DAZAP2: variants seen among roughly 807,000 people sequenced by gnomAD.
The protein encoded by DAZAP2 is DAZ associated protein 2, also known as DAZ-associated protein 2.
DAZAP2 carries 3 observed loss-of-function variants against 16.2 expected under a neutral mutation model. The ratio of observed to expected loss-of-function variants is 0.19; its 90% confidence interval spans 0.08 to 0.48. The LOEUF is 0.48. DAZAP2 is among the 20% of genes least tolerant of loss of function. The pLI, the probability that DAZAP2 is intolerant of heterozygous loss-of-function variation, is 0.98. For missense variants in DAZAP2, 172 were observed against 215.9 expected, an observed-to-expected ratio of 0.80 and a Z score of 1.27; for synonymous variants, 69 against 77.6, an observed-to-expected ratio of 0.89 and a Z score of 0.58.
In DAZAP2 at chr12:51,243,215, A is replaced by G; in HGVS notation, c.*757A>G. 3.0e-6 allele frequency: 3 copies of G among 985,870 alleles called. No individual in the cohort carries two copies. 61.1% of individuals were successfully genotyped at this position (985,870 alleles called of 1,614,324 possible). A position where few individuals can be genotyped will look rare whatever the true frequency, so the allele number is the denominator to read the frequency against. ...GTCTCTGCATACACGAACCTAACCCAAATTTGCTTTGGTGCCAGAAAAACT... is the reference window on the plus strand; with the variant it reads ...GTCTCTGCATACACGAACCTAACCCGAATTTGCTTTGGTGCCAGAAAAACT... On this transcript the variant is annotated 3_prime_UTR_variant, in exon 4 of 4. Transcript: ENST00000412716.
Position 51,243,933 on chromosome 12 carries a change from A to G in DAZAP2, c.*1475A>G, listed in dbSNP as rs1944729073. On this transcript the variant is annotated 3_prime_UTR_variant, in exon 4 of 4. Transcript: ENST00000412716. ...AAATAAAGGCAGGAGTACAAGCCTAAGACTTGATCATTTCATGAATTCCAT... is the reference window on the plus strand; with the variant it reads ...AAATAAAGGCAGGAGTACAAGCCTAGGACTTGATCATTTCATGAATTCCAT... The G allele has an allele frequency of 2.0e-6, 2 of 983,768 alleles. No individual in the cohort carries two copies. The highest frequency in any genetic ancestry group is 1.7e-5 in the African/African-American group (1 of 57,214). The allele number at this position is 983,768 out of a possible 1,614,324, so 60.9% of individuals were successfully genotyped here.
At chr12:51,239,118 C>G in intron 1 of DAZAP2, 198 bp downstream of exon 1, 1 of 729,188 alleles carries the variant, frequency 1.4e-6, no homozygotes, top group Non-Finnish European at 2.1e-6. Flanking sequence ...AGGCCCTTTC[C>G]TCCGTAAACT....
intron 3 of DAZAP2, 71 bp from the exon 4 acceptor site, chr12:51,242,259 C>T: frequency 1.3e-6 from 2 of 1,512,610 alleles, no homozygotes; most frequent in Non-Finnish European, 1.8e-6. Flanking sequence ...TAACAGGCCT[C>T]TGCTTCCCCT....
chr12:51,246,016 T>G, downstream of DAZAP2: 1 of 1,613,872 alleles, frequency 6.2e-7, no homozygotes, highest in Non-Finnish European at 8.5e-7. Context: ...TGGGCTCACC[T>G]TCTGTAGGTT....
At chr12:51,243,957 AT>A (rs1365835614), downstream of DAZAP2, 23 of 976,442 alleles carry the variant, frequency 2.4e-5, no homozygotes, top group African/African-American at 3.5e-4. Flanking sequence ...CATGAATTCC[AT>A]TCCAGATGTT....
intron 1 of DAZAP2, 36 bp downstream of exon 1, chr12:51,238,956 G>A: frequency 1.9e-6 from 3 of 1,612,348 alleles, no homozygotes; most frequent in South Asian, 1.1e-5. Context: ...GTCGGGGGGA[G>A]TACTGCTGGC....
At chr12:51,239,118 C>A in intron 1 of DAZAP2, 198 bp downstream of exon 1, 1 of 729,186 alleles carries the variant, frequency 1.4e-6, no homozygotes, top group Non-Finnish European at 2.1e-6. Context: ...AGGCCCTTTC[C>A]TCCGTAAACT....
chr12:51,240,044 C>T (rs1006546367), intron 1 of DAZAP2: 2 of 394,368 alleles, frequency 5.1e-6, no homozygotes, highest in East Asian at 1.1e-4. Context: ...AGGCCAGAAC[C>T]CCAGACCTGT....
rs759838021 is a variant in DAZAP2, at chr12:51,240,344, T to G, written c.15T>G (p.Gly5=). 8.7e-6 allele frequency: 14 copies of G among 1,613,312 alleles called. No homozygotes were observed. Among genetic ancestry groups the G allele is most frequent in the Non-Finnish European group, 1.2e-5 (14 of 1,179,368 alleles). MNSK[G]QYPTQPTYPV... ...CTTCATTTTTTTCTTGTCTTTCAGG[T>G]CAATATCCAACACAGCCAACCTACC... The change falls in exon 2 of 4, where the codon GGT becomes GGG. Residue 5 remains glycine, a splice_region_variant and synonymous_variant. Transcript: ENST00000412716.
chr12:51,240,926 C>T lies in DAZAP2; in HGVS notation c.188C>T (p.Ala63Val). The T allele has an allele frequency of 6.2e-7, 1 of 1,614,222 alleles. No individual in the cohort carries two copies. The highest frequency in any genetic ancestry group is 8.5e-7 in the Non-Finnish European group (1 of 1,180,040). The change falls in exon 3 of 4, where the codon GCC (alanine) becomes GTC (valine). Residue 63 changes from alanine (A) to valine (V), a missense_variant. Transcript: ENST00000412716. ...GCTGCCACAGTCCCCACCATGTCAG[C>T]CGCATTTCCTGGAGCCTCTCTGTAT... The part of the protein sequence containing the change: ...PGAATVPTMS[A>V]AFPGASLYLP...
At chr12:51,246,603 G>GGTGT (rs1555166530), downstream of DAZAP2, 1 of 344,728 alleles carries the variant, frequency 2.9e-6, no homozygotes, top group Non-Finnish European at 4.5e-6. Flanking sequence ...GTCTTTTATG[G>GGTGT]CTGTGTGTGT....
chr12:51,242,336 C>T lies in DAZAP2; in HGVS notation c.385C>T (p.Pro129Ser). 6.3e-7 allele frequency: 1 copy of T among 1,592,248 alleles called. No homozygotes were observed. The highest frequency in any genetic ancestry group is 1.1e-5 in the South Asian group (1 of 88,200). Residue 129 changes from proline to serine, a missense_variant, in exon 4 of 4, where the codon CCT (proline) becomes TCT (serine). Coordinates refer to ENST00000412716, the MANE Select transcript of DAZAP2 (RefSeq NM_014764.4). ...TCATGTCATTTCCTTTCAGCCTCCA[C>T]CTCCTGGATGCCCTCCCAATGCTGC... ...GATAGNIPPP[P>S]PGCPPNAAQL...
chr12:51,246,214 G>A, downstream of DAZAP2: 1 of 1,521,800 alleles, frequency 6.6e-7, no homozygotes, highest in Non-Finnish European at 8.9e-7. Context: ...TTTTCGTAAA[G>A]ATCCTCTTGT....
At position 51,238,940 on chromosome 12, in the gene DAZAP2, G is replaced by A. The variant is rs1329572610; in HGVS notation, c.13+20G>A. ...GCAAAGGCAAGGACCGAGGGTGGCA[G>A]AGGCCGTCGGGGGGAGTACTGCTGG... On this transcript the variant is annotated intron_variant, in intron 1 of 3. Coordinates refer to ENST00000412716, the MANE Select transcript of DAZAP2 (RefSeq NM_014764.4). 1.2e-6 allele frequency: 2 copies of A among 1,613,192 alleles called. No individual in the cohort carries two copies. Among genetic ancestry groups the A allele is most frequent in the Non-Finnish European group, 1.7e-6 (2 of 1,179,834 alleles).
intron 1 of DAZAP2, chr12:51,239,319 G>A (rs760818256): frequency 5.9e-5 from 13 of 220,924 alleles, no homozygotes; most frequent in East Asian, 1.2e-4. Flanking sequence ...GTTGGTTCGT[G>A]GGCCGGGGCC....
chr12:51,240,248 C>G, intron 1 of DAZAP2, 95 bp from the exon 2 acceptor site: 1 of 898,636 alleles, frequency 1.1e-6, no homozygotes, highest in Non-Finnish European at 1.8e-6. Context: ...AAATCCCCTT[C>G]TGCTTGCTCC....
At chr12:51,246,313 T>C (rs532522059), downstream of DAZAP2, 1 of 734,352 alleles carries the variant, frequency 1.4e-6, no homozygotes, top group African/African-American at 1.8e-5. Flanking sequence ...AGTCTCCTGG[T>C]GCTTAAGCTA....
intron 1 of DAZAP2, chr12:51,240,026 ACAG>A: frequency 3.0e-6 from 1 of 334,922 alleles, no homozygotes; most frequent in Non-Finnish European, 5.6e-6. Flanking sequence ...ATAAGCCAGA[ACAG>A]CAGCAGGCCA....
intron 3 of DAZAP2, among the ~76,000 whole-genome samples, 188 bp downstream of exon 3, chr12:51,241,304 G>C (rs1944672492): frequency 6.6e-6 from 1 of 152,152 alleles, no homozygotes; most frequent in Admixed American, 6.6e-5. Flanking sequence ...ATCTCACTGG[G>C]GGCTGAGTTA....
Sources: allele counts gnomAD v4.1 joint callset (sites outside exome capture counted in the v4.1 genomes callset), GRCh38; gene constraint gnomAD v4.1.1; transcripts MANE v1.5; gene names NCBI Gene and HGNC (gene_info 2026-07-23, HGNC 2026-07-21).